CUL1: variants seen among roughly 807,000 people sequenced by gnomAD.
CUL1 encodes the protein cullin 1, also known as cullin-1.
CUL1 carries 24 observed loss-of-function variants against 118.0 expected under a neutral mutation model. That is an observed-to-expected ratio of 0.20 (90% CI 0.15 to 0.29). The LOEUF (loss-of-function observed/expected upper bound fraction) is 0.29, where lower values mean the gene tolerates loss of function less well. Among genes scored for constraint, CUL1 ranks in the 10% least tolerant of loss-of-function variants. The pLI is 1.00. For synonymous variants in CUL1, 332 were observed against 340.4 expected (o/e 0.98, Z 0.27); for missense variants, 361 against 933.8 (o/e 0.39, Z 7.99).
intron 1 of CUL1, among the ~76,000 whole-genome samples, chr7:148,705,961 A>T (rs1797867603): frequency 6.6e-6 from 1 of 152,170 alleles, no homozygotes; most frequent in Non-Finnish European, 1.5e-5. Flanking sequence ...CTAATTTGAA[A>T]ATCCTAAATC....
intron 9 of CUL1, 47 bp from the exon 10 acceptor site, chr7:148,783,736 T>C: frequency 1.2e-6 from 2 of 1,600,964 alleles, no homozygotes; most frequent in Non-Finnish European, 1.7e-6. Context: ...ATACACAATT[T>C]AATCCCCAAT....
In CUL1 at chr7:148,788,551, TCTC is replaced by T; in HGVS notation, c.1480-5_1480-3del. The T allele has an allele frequency of 6.2e-7, 1 of 1,601,950 alleles. No homozygotes were observed. The highest frequency in any genetic ancestry group is 8.5e-7 in the Non-Finnish European group (1 of 1,170,748). On this transcript the variant is annotated splice_polypyrimidine_tract_variant and splice_region_variant and intron_variant, in intron 13 of 21. Coordinates refer to ENST00000325222, the MANE Select transcript of CUL1 (RefSeq NM_003592.3). ...TTAATAAGACAGTCATCTGGGTTCT[TCTC>T]AGCAAGCTTGCGGGTTCGAGTACAC...
intron 2 of CUL1, among the ~76,000 whole-genome samples, chr7:148,748,750 A>G (rs1321253594): frequency 1.3e-5 from 2 of 152,214 alleles, no homozygotes; most frequent in African/African-American, 4.8e-5. Flanking sequence ...GAAATTATAT[A>G]CTTGGCAACA....
Position 148,730,243 on chromosome 7 carries a change from A to C in CUL1, c.121A>C (p.Arg41=), listed in dbSNP as rs927306569. ...VYTRQSMAKS[R]YMELYTHVYN... ...CACACGGCAGAGCATGGCCAAGTCC[A>C]GATATATGGAGCTCTACACGTATCC... The change falls in exon 2 of 22, where the codon AGA becomes CGA. Residue 41 remains arginine, a synonymous_variant. Coordinates refer to ENST00000325222, the MANE Select transcript of CUL1 (RefSeq NM_003592.3). The C allele has an allele frequency of 6.2e-7, 1 of 1,605,968 alleles. No homozygotes were observed. Among genetic ancestry groups the C allele is most frequent in the Non-Finnish European group, 8.5e-7 (1 of 1,176,264 alleles).
chr7:148,705,833 A>G (rs1314678620), intron 1 of CUL1, among the ~76,000 whole-genome samples: 1 of 152,240 alleles, frequency 6.6e-6, no homozygotes, highest in African/African-American at 2.4e-5. Context: ...GGTGGAGAAG[A>G]AAAATTCCAG....
chr7:148,745,266 C>A (rs765738326), intron 2 of CUL1, among the ~76,000 whole-genome samples: 16 of 152,168 alleles, frequency 1.1e-4, no homozygotes, highest in Non-Finnish European at 1.6e-4. Context: ...TTTTCTATAT[C>A]TTTTATTATA....
chr7:148,795,233 A>C (rs921242358), intron 17 of CUL1, among the ~76,000 whole-genome samples: 1 of 151,622 alleles, frequency 6.6e-6, no homozygotes, highest in African/African-American at 2.4e-5. Flanking sequence ...GCGGTATCAA[A>C]TGATCCTCTC....
intron 2 of CUL1, among the ~76,000 whole-genome samples, chr7:148,749,496 G>A (rs1349805516): frequency 6.7e-6 from 1 of 149,100 alleles, no homozygotes; most frequent in Non-Finnish European, 1.5e-5. Context: ...ACCCAAAATA[G>A]TTCTTTAAAA....
At chr7:148,719,162 T>C (rs1425027042) in intron 1 of CUL1, among the ~76,000 whole-genome samples, 1 of 151,962 alleles carries the variant, frequency 6.6e-6, no homozygotes, top group Non-Finnish European at 1.5e-5. Context: ...ATACAAAAAA[T>C]TAGCCAGGCG....
chr7:148,708,435 A>G (rs1053483734), intron 1 of CUL1, among the ~76,000 whole-genome samples: 1 of 152,214 alleles, frequency 6.6e-6, no homozygotes, highest in Non-Finnish European at 1.5e-5. Flanking sequence ...CTATGTGTTT[A>G]TACCTTCCTC....
chr7:148,778,650 C>A (rs771101725), intron 9 of CUL1, among the ~76,000 whole-genome samples: 19 of 152,180 alleles, frequency 1.2e-4, no homozygotes, highest in Non-Finnish European at 2.1e-4. Context: ...AGACTGTGGA[C>A]AGTGTCAAGC....
chr7:148,775,618 CA>C (rs1800368705), intron 9 of CUL1, among the ~76,000 whole-genome samples: 1 of 151,968 alleles, frequency 6.6e-6, no homozygotes, highest in Admixed American at 6.6e-5. Context: ...GTAAGTCAGA[CA>C]TTTAATTACA....
Position 148,719,676 on chromosome 7 carries a change from G to A in CUL1, c.-161-10286G>A, listed in dbSNP as rs190726466. Among the ~76,000 whole-genome samples, 46 of 152,292 alleles carry A rather than the reference G, an allele frequency of 3.0e-4. No individual in the cohort carries two copies. In the East Asian group the frequency reaches 8.3e-3, roughly 27 times the overall value. On this transcript the variant is annotated intron_variant, in intron 1 of 21. Transcript: ENST00000325222. ...CAACATTCAAATAGTAACCAGCGAA[G>A]ATCCAACAAAGTAGAGCTTTAACTA...
chr7:148,723,123 C>T (rs189468397), intron 1 of CUL1, among the ~76,000 whole-genome samples: 9 of 152,364 alleles, frequency 5.9e-5, no homozygotes, highest in Admixed American at 3.3e-4. Context: ...CACAGTTTTA[C>T]GCAACTGCTG....
intron 2 of CUL1, among the ~76,000 whole-genome samples, chr7:148,742,973 G>A (rs1192734817): frequency 1.3e-5 from 2 of 151,998 alleles, no homozygotes; most frequent in Non-Finnish European, 2.9e-5. Context: ...GCCTTATTCT[G>A]CAAATTTTGA....
chr7:148,744,476 T>C lies in CUL1; in HGVS notation c.141-9500T>C, dbSNP rs141267898. ...GAATAAAGAGATTGCTCTAAGGATA[T>C]AATACACATTTTTCTTAACATTCCA... On this transcript the variant is annotated intron_variant, in intron 2 of 21. Coordinates refer to ENST00000325222, the MANE Select transcript of CUL1 (RefSeq NM_003592.3). Among the ~76,000 whole-genome samples, 352 of 151,550 alleles carry C rather than the reference T, an allele frequency of 2.3e-3. 3 individuals are homozygous for C. The highest frequency in any genetic ancestry group is 3.7e-3 in the Non-Finnish European group (250 of 67,860).
At chr7:148,742,600 T>G (rs1410635727) in intron 2 of CUL1, among the ~76,000 whole-genome samples, 1 of 110,096 alleles carries the variant, frequency 9.1e-6, no homozygotes, top group Non-Finnish European at 1.6e-5. Flanking sequence ...CTTTTCTGGT[T>G]TTTTTTTTTT....
intron 1 of CUL1, among the ~76,000 whole-genome samples, chr7:148,706,358 GATACCTCAA>G (rs1797882325): frequency 6.6e-6 from 1 of 152,156 alleles, no homozygotes; most frequent in South Asian, 2.1e-4. Context: ...GCTGCTTGGA[GATACCTCAA>G]ATGGGACAGA....
At chr7:148,766,539 C>G (rs375369075) in intron 7 of CUL1, 22 bp from the exon 8 acceptor site, 3 of 1,577,714 alleles carry the variant, frequency 1.9e-6, no homozygotes, top group East Asian at 2.3e-5. Context: ...CAAAACCATT[C>G]ACTTGAATTA....
Sources: allele counts gnomAD v4.1 joint callset (sites outside exome capture counted in the v4.1 genomes callset), GRCh38; gene constraint gnomAD v4.1.1; transcripts MANE v1.5; gene names NCBI Gene and HGNC (gene_info 2026-07-23, HGNC 2026-07-21).